TEKT5: variants seen among roughly 807,000 people sequenced by gnomAD.
TEKT5 encodes tektin 5.
A neutral mutation model predicts 48.7 loss-of-function variants in TEKT5; 52 were observed. The ratio of observed to expected loss-of-function variants is 1.07; its 90% CI spans 0.86 to 1.35. The LOEUF is 1.35. TEKT5 is among the 40% of genes most tolerant of loss of function. The pLI is 0.00. For missense variants in TEKT5, 831 were observed against 641.6 expected (o/e 1.30, Z -3.19); for synonymous variants, 318 against 267.6 (o/e 1.19, Z -1.84).
At chr16:10,666,114 C>T (rs965524459) in intron 5 of TEKT5, among the ~76,000 whole-genome samples, 10 of 152,138 alleles carry the variant, frequency 6.6e-5, no homozygotes, top group South Asian at 2.1e-4. Flanking sequence ...GGTGTGCACC[C>T]ATATAGGGGT....
chr16:10,652,766 A>G (rs1898186584), intron 5 of TEKT5, among the ~76,000 whole-genome samples: 2 of 3,486 alleles, frequency 5.7e-4, no homozygotes, highest in Non-Finnish European at 1.9e-3. Context: ...ACACAGGCAA[A>G]CACACACACA....
chr16:10,675,299 G>C (rs1898624563), intron 5 of TEKT5, among the ~76,000 whole-genome samples: 1 of 152,156 alleles, frequency 6.6e-6, no homozygotes, highest in Non-Finnish European at 1.5e-5. Context: ...TTTATTCCTA[G>C]TGCCTAGCGC....
chr16:10,671,767 C>G (rs2541504), intron 5 of TEKT5: 46,981 of 152,096 alleles, frequency 0.31, 8,835 homozygotes, highest in East Asian at 0.54. Context: ...GAGGAGCAAA[C>G]GCACGTCTAA....
chr16:10,629,925 C>A (rs925663116), intron 6 of TEKT5, among the ~76,000 whole-genome samples: 1 of 152,092 alleles, frequency 6.6e-6, no homozygotes, highest in Non-Finnish European at 1.5e-5. Context: ...TAGAACTTTC[C>A]GAGGGGAGGA....
intron 5 of TEKT5, among the ~76,000 whole-genome samples, chr16:10,642,387 T>C (rs892024242): frequency 6.6e-6 from 1 of 152,084 alleles, no homozygotes; most frequent in Non-Finnish European, 1.5e-5. Context: ...CTAGGGACAG[T>C]CCCTCTCCCC....
intron 4 of TEKT5, among the ~76,000 whole-genome samples, chr16:10,681,012 T>G (rs996722931): frequency 1.3e-4 from 15 of 113,246 alleles, no homozygotes; most frequent in African/African-American, 4.6e-4. Context: ...AGTATAATAA[T>G]AATAATAAAT....
intron 5 of TEKT5, among the ~76,000 whole-genome samples, chr16:10,650,248 G>T (rs976001655): frequency 9.9e-5 from 15 of 151,996 alleles, no homozygotes; most frequent in African/African-American, 3.4e-4. Flanking sequence ...TTACAGGTGT[G>T]TGCGACAAGG....
chr16:10,681,875 A>G, intron 4 of TEKT5, 118 bp downstream of exon 4: 1 of 1,364,530 alleles, frequency 7.3e-7, no homozygotes, highest in Non-Finnish European at 1.0e-6. Context: ...TCCCCGTTCA[A>G]CCATGCCACT....
intron 5 of TEKT5, among the ~76,000 whole-genome samples, chr16:10,636,856 G>T (rs34535675): frequency 4.8e-5 from 7 of 146,546 alleles, no homozygotes; most frequent in African/African-American, 1.6e-4. Context: ...TCGCTCTGTC[G>T]CCCAGGCTGG....
intron 5 of TEKT5, among the ~76,000 whole-genome samples, chr16:10,655,565 G>GT (rs1244587353): frequency 6.6e-6 from 1 of 152,204 alleles, no homozygotes; most frequent in Non-Finnish European, 1.5e-5. Flanking sequence ...CTCTTAACCT[G>GT]TGGAACACTA....
At chr16:10,670,930 T>C (rs1898539269) in intron 5 of TEKT5, among the ~76,000 whole-genome samples, 1 of 151,972 alleles carries the variant, frequency 6.6e-6, no homozygotes, top group South Asian at 2.1e-4. Flanking sequence ...TTAGAGACAA[T>C]GTCTTGCTCT....
At chr16:10,665,975 G>C (rs540586776) in intron 5 of TEKT5, among the ~76,000 whole-genome samples, 2 of 152,330 alleles carry the variant, frequency 1.3e-5, no homozygotes, top group South Asian at 4.1e-4. Context: ...GGCTGGGCGC[G>C]GTGGCTCAGG....
chr16:10,647,329 G>A (rs369874475), intron 5 of TEKT5, among the ~76,000 whole-genome samples: 18 of 152,002 alleles, frequency 1.2e-4, no homozygotes, highest in South Asian at 2.1e-4. Flanking sequence ...AAAATAAGCC[G>A]GGCGTGGTGG....
intron 3 of TEKT5, among the ~76,000 whole-genome samples, chr16:10,687,705 C>T (rs1282327598): frequency 1.3e-5 from 2 of 152,244 alleles, no homozygotes; most frequent in Non-Finnish European, 2.9e-5. Flanking sequence ...GTGAGCTGAG[C>T]CCATACCACT....
At chr16:10,666,381 C>T (rs947043223) in intron 5 of TEKT5, among the ~76,000 whole-genome samples, 1 of 152,188 alleles carries the variant, frequency 6.6e-6, no homozygotes, top group Non-Finnish European at 1.5e-5. Flanking sequence ...TTCTCAGCCT[C>T]AGCACTACTG....
At chr16:10,665,097 G>T (rs915147960) in intron 5 of TEKT5, among the ~76,000 whole-genome samples, 12 of 152,172 alleles carry the variant, frequency 7.9e-5, no homozygotes, top group Non-Finnish European at 7.4e-5. Context: ...AGATGGAAGG[G>T]GAGGCTGGAC....
intron 4 of TEKT5, among the ~76,000 whole-genome samples, chr16:10,678,326 T>C (rs1427077696): frequency 6.6e-6 from 1 of 152,118 alleles, no homozygotes; most frequent in Non-Finnish European, 1.5e-5. Context: ...CTGGATCTCT[T>C]GACGTCGTGA....
At chr16:10,694,177 G>A (rs1427575642) in intron 1 of TEKT5, 133 bp downstream of exon 1, 1 of 770,304 alleles carries the variant, frequency 1.3e-6, no homozygotes, top group Non-Finnish European at 2.1e-6. Flanking sequence ...TTGTATTACT[G>A]ATCGTATTCG....
intron 5 of TEKT5, among the ~76,000 whole-genome samples, chr16:10,640,178 T>C (rs111308502): frequency 3.0e-4 from 42 of 139,956 alleles, no homozygotes; most frequent in African/African-American, 9.9e-4. Context: ...ACAGGGTCTC[T>C]GTTGCTCAGA....
Sources: allele counts gnomAD v4.1 joint callset (sites outside exome capture counted in the v4.1 genomes callset), GRCh38; gene constraint gnomAD v4.1.1; transcripts MANE v1.5; gene names NCBI Gene and HGNC (gene_info 2026-07-23, HGNC 2026-07-21).